PACRG: variants seen among roughly 807,000 people sequenced by gnomAD.
PACRG encodes parkin coregulated gene protein.
PACRG carries 29 observed loss-of-function variants against 29.7 expected under a neutral mutation model. The observed-to-expected ratio is 0.98, with a 90% CI of 0.73 to 1.33. The LOEUF is 1.33. Among genes scored for constraint, PACRG ranks in the 40% most tolerant of loss-of-function variants. PACRG has a pLI of 0.00. For missense variants in PACRG, 279 were observed against 316.2 expected (o/e 0.88, Z 0.89); for synonymous variants, 116 against 118.7 (o/e 0.98, Z 0.15).
chr6:162,797,445 G>T (rs925255810), intron 1 of PACRG, among the ~76,000 whole-genome samples: 1 of 152,162 alleles, frequency 6.6e-6, no homozygotes, highest in Non-Finnish European at 1.5e-5. Flanking sequence ...GAAACACGAA[G>T]TCAACCTGAC....
intron 2 of PACRG, among the ~76,000 whole-genome samples, chr6:162,859,224 C>A (rs535254083): frequency 5.3e-5 from 8 of 152,108 alleles, no homozygotes; most frequent in African/African-American, 1.9e-4. Context: ...TAAAAATAGA[C>A]TAATAAATGG....
intron 4 of PACRG, among the ~76,000 whole-genome samples, chr6:163,143,164 T>C (rs976968996): frequency 2.0e-5 from 3 of 152,214 alleles, no homozygotes; most frequent in African/African-American, 7.2e-5. Context: ...GAGAGCTCTC[T>C]GTACTATCTT....
In PACRG at chr6:163,055,710, C is replaced by A. The variant is rs1810524492; in HGVS notation, c.292-6440C>A. Reference sequence around the variant, plus strand: ...ATTGTAAAATACACATAAAACTTACCATTTTTACCATTTTTAAGTGTACAC... The same window carrying A: ...ATTGTAAAATACACATAAAACTTACAATTTTTACCATTTTTAAGTGTACAC... On this transcript the variant is annotated intron_variant, in intron 2 of 4. Transcript: ENST00000366888. The surrounding 1 kb of genome is among the most constrained non-coding windows in gnomAD (Gnocchi z 4.0). Among the ~76,000 whole-genome samples, 1 of 151,908 alleles carries A rather than the reference C, an allele frequency of 6.6e-6. No homozygotes were observed. The highest frequency in any genetic ancestry group is 2.4e-5 in the African/African-American group (1 of 41,326).
intron 2 of PACRG, among the ~76,000 whole-genome samples, chr6:162,879,858 A>G (rs1793684888): frequency 6.6e-6 from 1 of 152,206 alleles, no homozygotes; most frequent in Non-Finnish European, 1.5e-5. Flanking sequence ...AAGGAGAAGT[A>G]GCTGGTATAT....
At chr6:162,999,160 C>G (rs1804353282) in intron 2 of PACRG, among the ~76,000 whole-genome samples, 1 of 152,050 alleles carries the variant, frequency 6.6e-6, no homozygotes, top group Non-Finnish European at 1.5e-5. Context: ...ACTAGAAATA[C>G]CCAAATAATT....
intron 4 of PACRG, among the ~76,000 whole-genome samples, chr6:163,123,622 G>T (rs1254663120): frequency 6.6e-6 from 1 of 152,160 alleles, no homozygotes; most frequent in Non-Finnish European, 1.5e-5. Context: ...TTGTGTAACT[G>T]TAATTTGATA....
intron 2 of PACRG, among the ~76,000 whole-genome samples, chr6:162,880,523 T>C (rs908735474): frequency 2.6e-5 from 4 of 152,312 alleles, no homozygotes; most frequent in East Asian, 1.9e-4. Context: ...ATATCTGAGG[T>C]AGATGGTGGC....
intron 4 of PACRG, among the ~76,000 whole-genome samples, chr6:163,173,890 A>G (rs1779215602): frequency 1.3e-5 from 2 of 152,178 alleles, no homozygotes; most frequent in South Asian, 4.1e-4. Context: ...TCTGGGCTTC[A>G]GATGTTAAGG....
chr6:163,174,769 C>T (rs1779264031), intron 4 of PACRG, among the ~76,000 whole-genome samples: 1 of 152,088 alleles, frequency 6.6e-6, no homozygotes, highest in Admixed American at 6.6e-5. Context: ...CCGTCTCCAT[C>T]ATCATCATCA....
At chr6:162,764,975 A>G (rs763169807) in intron 1 of PACRG, among the ~76,000 whole-genome samples, 1 of 151,624 alleles carries the variant, frequency 6.6e-6, no homozygotes, top group Non-Finnish European at 1.5e-5. Flanking sequence ...TGAACCCCTG[A>G]CCTCGTGATC....
intron 1 of PACRG, among the ~76,000 whole-genome samples, chr6:162,730,510 G>A (rs190893734): frequency 6.6e-6 from 1 of 152,154 alleles, no homozygotes; most frequent in Admixed American, 6.5e-5. Context: ...ATCATAAGGA[G>A]TTATACAGAG....
chr6:162,902,256 A>G (rs1449683537), intron 2 of PACRG, among the ~76,000 whole-genome samples: 1 of 152,222 alleles, frequency 6.6e-6, no homozygotes, highest in Non-Finnish European at 1.5e-5. Context: ...ATAGCTTTGC[A>G]TTTACAAAGA....
At chr6:163,160,927 A>C (rs964920529) in intron 4 of PACRG, among the ~76,000 whole-genome samples, 4 of 152,086 alleles carry the variant, frequency 2.6e-5, no homozygotes, top group Non-Finnish European at 5.9e-5. Context: ...GCTTCTTGTA[A>C]ATATCATTTT....
At chr6:162,907,244 G>A (rs1263659156) in intron 2 of PACRG, among the ~76,000 whole-genome samples, 2 of 151,922 alleles carry the variant, frequency 1.3e-5, no homozygotes, top group East Asian at 1.9e-4. Flanking sequence ...TTTAAAATAC[G>A]GCTGCTCCCT....
intron 3 of PACRG, among the ~76,000 whole-genome samples, chr6:163,075,641 A>T (rs1179627782): frequency 1.3e-5 from 2 of 152,216 alleles, no homozygotes; most frequent in African/African-American, 2.4e-5. Context: ...TTAATGAATT[A>T]AAAAATGATT....
chr6:162,730,717 A>G (rs1043523265), intron 1 of PACRG, among the ~76,000 whole-genome samples: 10 of 152,112 alleles, frequency 6.6e-5, no homozygotes, highest in South Asian at 4.1e-4. Context: ...TTTTTCTTCA[A>G]TAGAAACTAG....
intron 2 of PACRG, among the ~76,000 whole-genome samples, chr6:162,864,250 T>C (rs1792108784): frequency 6.6e-6 from 1 of 152,252 alleles, no homozygotes; most frequent in Admixed American, 6.5e-5. Context: ...CAATTATCCA[T>C]ATTTTGATGC....
intron 4 of PACRG, among the ~76,000 whole-genome samples, chr6:163,305,430 G>A (rs556602191): frequency 6.6e-5 from 10 of 152,272 alleles, no homozygotes; most frequent in South Asian, 2.1e-4. Context: ...AATACCAGGC[G>A]TCCGTCCACT....
At chr6:163,003,157 G>A (rs909619333) in intron 2 of PACRG, among the ~76,000 whole-genome samples, 4 of 152,078 alleles carry the variant, frequency 2.6e-5, no homozygotes, top group Admixed American at 2.6e-4. Context: ...TATCTTCTTT[G>A]CATTATTACT....
Sources: gnomAD v4.1 joint callset for allele counts (sites outside exome capture counted in the v4.1 genomes callset) on GRCh38, gnomAD v4.1.1 for gene constraint, Gnocchi (gnomAD v3.1) non-coding constraint, MANE v1.5 for transcripts, NCBI Gene and HGNC (gene_info 2026-07-23, HGNC 2026-07-21) for gene names.